NAA25: variants seen among roughly 807,000 people sequenced by gnomAD.
The protein encoded by NAA25 is N-terminal acetyltransferase B complex subunit NAA25.
NAA25 carries 30 observed loss-of-function variants against 132.5 expected under a neutral mutation model. The ratio of observed to expected loss-of-function variants is 0.23; its 90% confidence interval spans 0.17 to 0.31. The LOEUF (loss-of-function observed/expected upper bound fraction) is 0.31. Among genes scored for constraint, NAA25 ranks in the 10% least tolerant of loss-of-function variants. The pLI is 1.00. For missense variants in NAA25, 771 were observed against 1,150.4 expected (o/e 0.67, Z 4.77); for synonymous variants, 359 against 401.9 (o/e 0.89, Z 1.28).
chr12:112,075,924 C>G, intron 7 of NAA25, 135 bp from the exon 8 acceptor site: 1 of 654,848 alleles, frequency 1.5e-6, no homozygotes, highest in Non-Finnish European at 2.5e-6. Flanking sequence ...CTCTTGTCAC[C>G]CAGGCTGGAG....
chr12:112,100,002 T>C (rs1023158100), intron 1 of NAA25, among the ~76,000 whole-genome samples: 1 of 152,158 alleles, frequency 6.6e-6, no homozygotes. Context: ...TTCTAAAAGT[T>C]GGAGAATAGG....
chr12:112,029,089 T>C lies in NAA25; in HGVS notation c.*442A>G, dbSNP rs1319525847. On this transcript the variant is annotated 3_prime_UTR_variant, in exon 24 of 24. Coordinates refer to ENST00000261745, the MANE Select transcript of NAA25 (RefSeq NM_024953.4). ...TGAAAAGGGGGTCTGTTCCCAGGCA[T>C]GGTCTCCCCTCCACTTCTTGTGGCT... The C allele has an allele frequency of 6.1e-6, 1 of 162,810 alleles. No homozygotes were observed. The highest frequency in any genetic ancestry group is 2.4e-5 in the African/African-American group (1 of 41,546). 10.1% of individuals were successfully genotyped at this position (162,810 alleles called of 1,614,324 possible).
chr12:112,054,346 G>GGTAT, intron 14 of NAA25, 42 bp downstream of exon 14: 1 of 1,566,068 alleles, frequency 6.4e-7, no homozygotes, highest in Non-Finnish European at 8.7e-7. Flanking sequence ...ACCCCACACT[G>GGTAT]GTATAGCTGG....
intron 9 of NAA25, among the ~76,000 whole-genome samples, chr12:112,073,577 C>G (rs562955280): frequency 4.5e-4 from 69 of 152,224 alleles, no homozygotes; most frequent in African/African-American, 1.6e-3. Flanking sequence ...GCTGGGACTA[C>G]AGGCGCCCGC....
rs1246950977 is a variant in NAA25, at chr12:112,073,729, G to A, written c.866+946C>T. On this transcript the variant is annotated intron_variant, in intron 9 of 23. Transcript: ENST00000261745. The stretch of plus-strand genomic sequence containing the variant: ...ATAACAGGCGTGAGCCACTGTGCCC[G>A]GCCCCATTTATTCATTTAACTCTAG... Among the ~76,000 whole-genome samples the A allele has an allele frequency of 2.6e-5, 4 of 152,062 alleles. No homozygotes were observed. The South Asian group carries it at 6.2e-4, about 24-fold the overall frequency.
At chr12:112,086,073 T>TATATATACACACACACAC (rs759148501) in intron 4 of NAA25, among the ~76,000 whole-genome samples, 20 of 53,984 alleles carry the variant, frequency 3.7e-4, no homozygotes, top group African/African-American at 1.6e-3. Flanking sequence ...TATATATATA[T>TATATATACACACACACAC]ACACACACAC....
intron 2 of NAA25, among the ~76,000 whole-genome samples, chr12:112,091,640 C>T (rs1285984284): frequency 2.0e-5 from 3 of 151,362 alleles, no homozygotes; most frequent in African/African-American, 7.3e-5. Context: ...CTGCAGTGAG[C>T]TGTGATCATG....
chr12:112,080,705 T>G (rs868337010), intron 5 of NAA25, among the ~76,000 whole-genome samples: 2 of 152,218 alleles, frequency 1.3e-5, no homozygotes, highest in Middle Eastern at 6.8e-3. Context: ...TTCACTATGT[T>G]GGTCAGGATG....
At chr12:112,043,328 A>T (rs962988316) in intron 18 of NAA25, 117 bp from the exon 19 acceptor site, 2 of 1,078,004 alleles carry the variant, frequency 1.9e-6, no homozygotes, top group Non-Finnish European at 2.6e-6. Context: ...AAAAGCCACT[A>T]ATCAGCAAAC....
At chr12:112,040,788 A>T (rs948187801) in intron 20 of NAA25, among the ~76,000 whole-genome samples, 12 of 152,214 alleles carry the variant, frequency 7.9e-5, no homozygotes, top group African/African-American at 2.7e-4. Context: ...TCTTCAAAAT[A>T]TAAAAGGTAG....
At chr12:112,043,338 C>T in intron 18 of NAA25, 127 bp from the exon 19 acceptor site, 1 of 975,130 alleles carries the variant, frequency 1.0e-6, no homozygotes, top group Non-Finnish European at 1.5e-6. Flanking sequence ...AATCAGCAAA[C>T]TAATAACTGA....
chr12:112,090,795 C>T lies in NAA25; in HGVS notation c.214G>A (p.Ala72Thr). The T allele has an allele frequency of 6.2e-7, 1 of 1,613,842 alleles. No homozygotes were observed. Among genetic ancestry groups the T allele is most frequent in the South Asian group, 1.1e-5 (1 of 91,052 alleles). The change falls in exon 3 of 24, where the codon GCA (alanine) becomes ACA (threonine). Residue 72 changes from alanine (A) to threonine (T), a missense_variant. Ala to Thr is a moderately conservative substitution (Grantham distance 58). This residue lies in a region of NAA25 where 417 missense variants were observed against 733.8 expected (regional missense o/e 0.57). Coordinates refer to ENST00000261745, the MANE Select transcript of NAA25 (RefSeq NM_024953.4). Reference protein sequence around the residue: ...EEAFTLAQEVAALEPTDDNSL... With the variant: ...EEAFTLAQEVTALEPTDDNSL... ...TTGTCATCTGTGGGTTCAAGGGCTG[C>T]CACCTCCTGTGCAAGAGTAAAGGCT...
chr12:112,036,780 G>A (rs1565996539), intron 22 of NAA25, among the ~76,000 whole-genome samples: 2 of 151,854 alleles, frequency 1.3e-5, no homozygotes, highest in Non-Finnish European at 2.9e-5. Flanking sequence ...ACTGGAAAGT[G>A]GAGGTTGTAG....
At chr12:112,039,042 C>CA (rs1473174062) in intron 22 of NAA25, among the ~76,000 whole-genome samples, 187 bp downstream of exon 22, 2 of 151,908 alleles carry the variant, frequency 1.3e-5, no homozygotes, top group East Asian at 1.9e-4. Flanking sequence ...AAAAAAAACT[C>CA]AAAAAATCTC....
intron 4 of NAA25, among the ~76,000 whole-genome samples, chr12:112,084,688 G>A (rs2079019235): frequency 6.6e-6 from 1 of 152,066 alleles, no homozygotes; most frequent in South Asian, 2.1e-4. Context: ...TACTCGGGAG[G>A]CTGAGACAGG....
chr12:112,059,052 C>G (rs906186322), intron 13 of NAA25, among the ~76,000 whole-genome samples: 9 of 111,126 alleles, frequency 8.1e-5, no homozygotes, highest in African/African-American at 2.9e-4. Context: ...CCAGTCTGGG[C>G]GACAGAGCGA....
At chr12:112,034,352 G>A (rs1242291268) in intron 22 of NAA25, 2 of 152,228 alleles carry the variant, frequency 1.3e-5, no homozygotes, top group South Asian at 2.1e-4. Context: ...ATGGCCAGGC[G>A]CAGTGGCTCA....
intron 2 of NAA25, among the ~76,000 whole-genome samples, chr12:112,091,095 C>T (rs1317471266): frequency 6.6e-6 from 1 of 151,462 alleles, no homozygotes; most frequent in Admixed American, 6.6e-5. Flanking sequence ...TGGTGAGACT[C>T]CATCTCTACA....
intron 23 of NAA25, among the ~76,000 whole-genome samples, chr12:112,031,551 C>G (rs2078150515): frequency 6.6e-6 from 1 of 152,108 alleles, no homozygotes; most frequent in African/African-American, 2.4e-5. Flanking sequence ...GAAGCTAGGG[C>G]TTGAAAAATC....
Sources: allele counts gnomAD v4.1 joint callset (sites outside exome capture counted in the v4.1 genomes callset), GRCh38; gene constraint gnomAD v4.1.1; regional missense constraint gnomAD v4.1.1; transcripts MANE v1.5; gene names NCBI Gene and HGNC (gene_info 2026-07-23, HGNC 2026-07-21).